Variants in CUX1 observed in about 807,000 individuals in gnomAD.
The protein encoded by CUX1 is cut like homeobox 1, also known as protein CASP.
A neutral mutation model predicts 158.8 loss-of-function variants in CUX1; 31 were observed. The ratio of observed to expected loss-of-function variants is 0.20; its 90% CI spans 0.15 to 0.26. The LOEUF (loss-of-function observed/expected upper bound fraction) is 0.26, where lower values mean the gene tolerates loss of function less well. CUX1 is among the 10% of genes least tolerant of loss of function. The pLI is 1.00. For synonymous variants in CUX1, 879 were observed against 862.1 expected, an observed-to-expected ratio of 1.02 and a Z score of -0.34; for missense variants, 1,589 against 2,014.6, an observed-to-expected ratio of 0.79 and a Z score of 4.04.
chr7:101,951,315 G>A (rs1005807899), intron 2 of CUX1, among the ~76,000 whole-genome samples: 8 of 151,626 alleles, frequency 5.3e-5, no homozygotes, highest in Middle Eastern at 3.4e-3. Flanking sequence ...TGGGTGATAG[G>A]GTGAGACACT....
chr7:102,060,882 G>C (rs1217662356), intron 3 of CUX1, among the ~76,000 whole-genome samples: 2 of 142,508 alleles, frequency 1.4e-5, no homozygotes, highest in African/African-American at 5.4e-5. Flanking sequence ...AAAGCACTGC[G>C]ATTACAGGTG....
At chr7:101,857,304 T>C (rs1395921877) in intron 1 of CUX1, among the ~76,000 whole-genome samples, 2 of 152,268 alleles carry the variant, frequency 1.3e-5, no homozygotes, top group Non-Finnish European at 2.9e-5. Flanking sequence ...TTTTGAAATA[T>C]CTGCAGAAAT....
At chr7:102,223,385 G>A (rs1167361077) in intron 20 of CUX1, among the ~76,000 whole-genome samples, 4 of 152,128 alleles carry the variant, frequency 2.6e-5, no homozygotes, top group African/African-American at 9.7e-5. Context: ...ATAGCACTCA[G>A]TCATAAGATT....
chr7:102,266,932 G>T (rs148313489), intron 14 of CUX1, among the ~76,000 whole-genome samples: 1 of 152,172 alleles, frequency 6.6e-6, no homozygotes, highest in African/African-American at 2.4e-5. Context: ...GGGAAGGGGC[G>T]TGTGTGCATG....
At chr7:101,948,746 T>C (rs1247652100) in intron 2 of CUX1, among the ~76,000 whole-genome samples, 1 of 152,178 alleles carries the variant, frequency 6.6e-6, no homozygotes, top group East Asian at 1.9e-4. Flanking sequence ...GAGCACCCCA[T>C]TGAGGTCCTC....
intron 2 of CUX1, among the ~76,000 whole-genome samples, chr7:101,949,210 C>A (rs1293343127): frequency 6.6e-6 from 1 of 151,958 alleles, no homozygotes; most frequent in African/African-American, 2.4e-5. Context: ...CAGCTCACTG[C>A]AAGCTCCACC....
chr7:102,233,918 G>C (rs551133989), intron 21 of CUX1, 134 bp from the exon 22 acceptor site: 4 of 536,394 alleles, frequency 7.5e-6, no homozygotes, highest in Non-Finnish European at 1.2e-5. Flanking sequence ...CATGTTTGCT[G>C]TAAGCTAGGA....
rs995049838 is a variant in CUX1, at chr7:101,978,181, A to G, written c.142-49917A>G. ...TACCATCCACAGAAGGATGGCGTCT[A>G]TATTTATATTAACCCAAATATTCAA... On this transcript the variant is annotated intron_variant, in intron 2 of 23. Transcript: ENST00000292535. 7.9e-5 allele frequency among the ~76,000 whole-genome samples: 12 copies of G among 152,238 alleles called. No individual in the cohort carries two copies. The South Asian group carries it at 8.3e-4, about 11-fold the overall frequency.
intron 2 of CUX1, among the ~76,000 whole-genome samples, chr7:101,955,836 C>T (rs1585086087): frequency 1.3e-5 from 2 of 152,178 alleles, no homozygotes; most frequent in East Asian, 1.9e-4. Flanking sequence ...AGAGTCACAA[C>T]TTTTGTTCTC....
rs1351159145 is a variant in CUX1 at position 102,078,161 on chromosome 7, C to G, written c.268+7744C>G. Among the ~76,000 whole-genome samples, 3 of 152,132 alleles carry G rather than the reference C, an allele frequency of 2.0e-5. No homozygotes were observed. The East Asian group carries it at 5.8e-4, about 29-fold the overall frequency. ...ACTGGTACCATCATAGCTCATTTAA[C>G]CGCCTCCTGGCTCAAGTGATCCCCC... is the stretch of plus-strand genomic sequence containing the variant. On this transcript the variant is annotated intron_variant, in intron 4 of 23. Transcript: ENST00000292535.
In CUX1 at chr7:102,129,232, C is replaced by G. The variant is rs959296388; in HGVS notation, c.674+13959C>G. On this transcript the variant is annotated intron_variant, in intron 8 of 23. Transcript: ENST00000292535. ...ATTAGCGTGCCACAGCTGGGGCACC[C>G]AGGTGTAAAGCTTTGTTTCCCATCA... 2.0e-5 allele frequency among the ~76,000 whole-genome samples: 3 copies of G among 152,336 alleles called. No individual in the cohort carries two copies. In the East Asian group the frequency reaches 5.8e-4, roughly 29 times the overall value.
rs536647271 is a variant in CUX1 at position 102,027,138 on chromosome 7, A to C, written c.142-960A>C. On this transcript the variant is annotated intron_variant, in intron 2 of 23. Coordinates refer to ENST00000292535, the MANE Select transcript of CUX1 (RefSeq NM_181552.4). Reference sequence around the variant, plus strand: ...GGTGGCTCATGCCTGTAATCCCAGCACTTTGGGAGATGAAGGTGGGCGGAT... The same window carrying C: ...GGTGGCTCATGCCTGTAATCCCAGCCCTTTGGGAGATGAAGGTGGGCGGAT... Among the ~76,000 whole-genome samples the C allele has an allele frequency of 8.3e-3, 1,262 of 152,298 alleles. 6 individuals are homozygous for C. Among genetic ancestry groups the C allele is most frequent in the Non-Finnish European group, 0.013 (858 of 68,028 alleles).
At position 101,869,081 on chromosome 7, in the gene CUX1, G is replaced by GCAAAGGGCCAAAGGGC. The variant is rs3075362; in HGVS notation, c.31-47025_31-47024insAAAGGGCCAAAGGGCC. On this transcript the variant is annotated intron_variant, in intron 1 of 23. Transcript: ENST00000292535. The surrounding 1 kb of genome is among the most constrained non-coding windows in gnomAD (Gnocchi z 4.5). ...CTGGCTTCCGAGGGCGGGCGAGGGG[G>GCAAAGGGCCAAAGGGC]CAAAGGGCCTGGGGCATGGACTTGG... is the stretch of plus-strand genomic sequence containing the variant. Among the ~76,000 whole-genome samples the GCAAAGGGCCAAAGGGC allele has an allele frequency of 4.6e-4, 70 of 151,450 alleles. No homozygotes were observed. Among genetic ancestry groups the GCAAAGGGCCAAAGGGC allele is most frequent in the Non-Finnish European group, 6.9e-4 (47 of 67,812 alleles).
At position 102,255,848 on chromosome 7, in the gene CUX1, T is replaced by C. The variant is rs1166131944; in HGVS notation, c.*6806T>C. On this transcript the variant is annotated 3_prime_UTR_variant, in exon 24 of 24. Coordinates refer to ENST00000292535, the MANE Select transcript of CUX1 (RefSeq NM_181552.4). ...TTTTTTATTATTTTATTATTTTTTT[T>C]GTACTTTGCTTTAAACGGAAAGCAC... 7 of 983,510 alleles carry C rather than the reference T, an allele frequency of 7.1e-6. No individual in the cohort carries two copies. The East Asian group carries it at 6.8e-4, about 96-fold the overall frequency. The allele number at this position is 983,510 out of a possible 1,614,324, so 60.9% of individuals were successfully genotyped here.
chr7:102,150,586 G>A (rs782660161), intron 8 of CUX1, among the ~76,000 whole-genome samples: 3 of 152,194 alleles, frequency 2.0e-5, no homozygotes, highest in Non-Finnish European at 4.4e-5. Flanking sequence ...TGATGCCAGC[G>A]TGCTTATTTG....
intron 1 of CUX1, among the ~76,000 whole-genome samples, chr7:101,824,933 C>T (rs1381981305): frequency 1.3e-5 from 2 of 152,206 alleles, no homozygotes; most frequent in African/African-American, 4.8e-5. Context: ...ATTTCTGTGT[C>T]ACTCTGAAAG....
chr7:101,948,570 C>T (rs1201116829), intron 2 of CUX1, among the ~76,000 whole-genome samples: 1 of 152,198 alleles, frequency 6.6e-6, no homozygotes, highest in East Asian at 1.9e-4. Flanking sequence ...CCCTCTGGGT[C>T]TCCGAGTTCC....
At chr7:102,244,566 A>G (rs1554536233) in intron 23 of CUX1, among the ~76,000 whole-genome samples, 1 of 152,122 alleles carries the variant, frequency 6.6e-6, no homozygotes, top group Non-Finnish European at 1.5e-5. Flanking sequence ...GTGGTGGTGC[A>G]TGCCTGTGAT....
chr7:102,216,687 C>CCACACACACACTCCCCCA (rs61358188), intron 20 of CUX1, among the ~76,000 whole-genome samples: 1 of 113,742 alleles, frequency 8.8e-6, no homozygotes, highest in Non-Finnish European at 1.7e-5. Context: ...ACACACTCCC[C>CCACACACACACTCCCCCA]CACACACACT....
Sources: allele counts gnomAD v4.1 joint callset (sites outside exome capture counted in the v4.1 genomes callset), GRCh38; gene constraint gnomAD v4.1.1; non-coding constraint Gnocchi (gnomAD v3.1); transcripts MANE v1.5; gene names NCBI Gene and HGNC (gene_info 2026-07-23, HGNC 2026-07-21).